EPRS1: variants seen among roughly 807,000 people sequenced by gnomAD.
EPRS1 encodes bifunctional glutamate/proline--tRNA ligase.
EPRS1 carries 107 observed loss-of-function variants against 188.3 expected under a neutral mutation model. The ratio of observed to expected loss-of-function variants is 0.57; its 90% CI spans 0.49 to 0.67. EPRS1 has a LOEUF of 0.67. Among genes scored for constraint, EPRS1 ranks in the 30% least tolerant of loss-of-function variants. The pLI is 0.00. For synonymous variants in EPRS1, 596 were observed against 593.1 expected (o/e 1.00, Z -0.07); for missense variants, 1,577 against 1,802.2 (o/e 0.88, Z 2.26).
intron 18 of EPRS1, among the ~76,000 whole-genome samples, chr1:219,992,794 G>A (rs1661148892): frequency 6.6e-6 from 1 of 152,196 alleles, no homozygotes. Context: ...AGGTGTCGTG[G>A]CACGCGCCTG....
intron 8 of EPRS1, 67 bp downstream of exon 8, chr1:220,024,197 A>G: frequency 9.1e-7 from 1 of 1,101,262 alleles, no homozygotes; most frequent in Non-Finnish European, 1.3e-6. Context: ...CACAAAAAAG[A>G]AATCACGTTC....
intron 6 of EPRS1, among the ~76,000 whole-genome samples, chr1:220,029,463 G>C (rs2577143): frequency 0.94 from 143,737 of 152,318 alleles, 67,946 homozygotes; most frequent in East Asian, 1. Context: ...TTGTGAAGAA[G>C]TATTAAATAC....
Position 220,034,972 on chromosome 1 carries a change from A to C in EPRS1, c.173T>G (p.Leu58Trp), listed in dbSNP as rs1662150671. Reference protein sequence around the residue: ...FTDVNSILRYLARVATTAGLY... With the variant: ...FTDVNSILRYWARVATTAGLY... ...CCCAGCTGTAGTTGCAACTCTAGCCAAGTAGCGAAGTATAGAATTCACATC... is the reference window on the plus strand; with the variant it reads ...CCCAGCTGTAGTTGCAACTCTAGCCCAGTAGCGAAGTATAGAATTCACATC... Residue 58 changes from leucine to tryptophan, a missense_variant, in exon 3 of 32, where the codon TTG (leucine) becomes TGG (tryptophan). By Grantham distance (61) the Leu-to-Trp change is moderately conservative (BLOSUM62 -2). Around this residue, in one of 3 missense-constraint regions of EPRS1, gnomAD observed 1,278 missense variants for 1,457.4 expected, o/e 0.88. Coordinates refer to ENST00000366923, the MANE Select transcript of EPRS1 (RefSeq NM_004446.3). The C allele has an allele frequency of 6.2e-7, 1 of 1,601,400 alleles. No individual in the cohort carries two copies. The highest frequency in any genetic ancestry group is 1.1e-5 in the South Asian group (1 of 89,298).
rs533054722 is a variant in EPRS1, at chr1:220,011,946, GA to G, written c.1495-891del. On this transcript the variant is annotated intron_variant, in intron 12 of 31. Transcript: ENST00000366923. ...TATTTTTTCTCATTAGAAGAATGCA[GA>G]AAACAGTGGTATAATTAAATTTGTT... is the stretch of plus-strand genomic sequence containing the variant. 1.1e-4 allele frequency among the ~76,000 whole-genome samples: 16 copies of G among 152,238 alleles called. No individual in the cohort carries two copies. The South Asian group carries it at 3.1e-3, about 30-fold the overall frequency.
chr1:219,995,809 G>A (rs1661220641), intron 18 of EPRS1, among the ~76,000 whole-genome samples: 1 of 152,260 alleles, frequency 6.6e-6, no homozygotes, highest in Middle Eastern at 3.4e-3. Flanking sequence ...AGGTGGCAGT[G>A]TTTCATGTCA....
chr1:219,983,288 C>T lies in EPRS1; in HGVS notation c.3201G>A (p.Glu1067=), dbSNP rs762244435. 1 of 1,613,988 alleles carries T rather than the reference C, an allele frequency of 6.2e-7. No individual in the cohort carries two copies. The highest frequency in any genetic ancestry group is 2.2e-5 in the East Asian group (1 of 44,868). The part of the protein sequence containing the change: ...WEAIKDFFDA[E]IKKLGVENCY... ...AGTTTTCAACACCAAGTTTCTTGAT[C>T]TCAGCATCAAAAAAGTCCTTGATGG... Residue 1067 remains glutamate, a synonymous_variant, in exon 22 of 32, where the codon GAG becomes GAA. Transcript: ENST00000366923.
At chr1:219,981,314 C>T (rs1044716543) in intron 24 of EPRS1, 64 bp downstream of exon 24, 19 of 1,038,640 alleles carry the variant, frequency 1.8e-5, no homozygotes, top group African/African-American at 2.5e-5. Context: ...ACAAAATGTG[C>T]TTTAAAAAAA....
chr1:219,992,149 T>A (rs1016677722), intron 18 of EPRS1, among the ~76,000 whole-genome samples: 1 of 152,190 alleles, frequency 6.6e-6, no homozygotes, highest in Non-Finnish European at 1.5e-5. Flanking sequence ...ACCTGCTTAA[T>A]GGACAAAAGG....
In EPRS1 at chr1:219,973,252, G is replaced by T; in HGVS notation, c.4230C>A (p.Val1410=). The change falls in exon 29 of 32, where the codon GTC becomes GTA. Residue 1410 remains valine, a synonymous_variant. Transcript: ENST00000366923. ...KLQAILEDIQ[V]TLFTRASEDL... is the part of the protein sequence containing the mutation. ...TAAGAAACTACCTTGTGAAAAGGGT[G>T]ACCTGGATGTCTTCCAAAATAGCTT... The T allele has an allele frequency of 5.6e-6, 9 of 1,612,402 alleles. No homozygotes were observed. Among genetic ancestry groups the T allele is most frequent in the Non-Finnish European group, 7.6e-6 (9 of 1,179,190 alleles).
At chr1:220,020,831 TATATATATATATATA>T (rs1661860848) in intron 9 of EPRS1, among the ~76,000 whole-genome samples, 1 of 2,370 alleles carries the variant, frequency 4.2e-4, no homozygotes, top group Non-Finnish European at 7.6e-4. Context: ...AATTTATATA[TATATATATATATATA>T]TATATATATA....
chr1:220,025,919 C>G (rs1661963044), intron 6 of EPRS1, among the ~76,000 whole-genome samples: 1 of 152,094 alleles, frequency 6.6e-6, no homozygotes, highest in Admixed American at 6.6e-5. Context: ...CTCAGCCCCC[C>G]AAATAGCTGG....
At chr1:220,028,759 G>A (rs1050487153) in intron 6 of EPRS1, among the ~76,000 whole-genome samples, 4 of 151,880 alleles carry the variant, frequency 2.6e-5, no homozygotes, top group African/African-American at 9.7e-5. Context: ...CTATGTATAT[G>A]TTAGCTAAGA....
chr1:220,042,314 C>G (rs1301321919), intron 1 of EPRS1, among the ~76,000 whole-genome samples: 1 of 150,270 alleles, frequency 6.7e-6, no homozygotes, highest in Non-Finnish European at 1.5e-5. Context: ...GAAACCCCAT[C>G]TCTGCTAAAA....
chr1:220,038,630 G>C (rs955978455), intron 2 of EPRS1, among the ~76,000 whole-genome samples: 3 of 151,868 alleles, frequency 2.0e-5, no homozygotes, highest in African/African-American at 7.3e-5. Flanking sequence ...CCACTCGCCC[G>C]GCCTCCCAAA....
intron 6 of EPRS1, among the ~76,000 whole-genome samples, chr1:220,025,796 T>C (rs9988498): frequency 4.1e-5 from 6 of 146,664 alleles, no homozygotes; most frequent in African/African-American, 1.6e-4. Context: ...AAAATAAAAG[T>C]TTTTTTTTTT....
chr1:220,010,272 T>C (rs1049659359), intron 13 of EPRS1, among the ~76,000 whole-genome samples: 2 of 152,038 alleles, frequency 1.3e-5, no homozygotes, highest in Non-Finnish European at 2.9e-5. Context: ...TAATAGAGAA[T>C]GCACTTCAGA....
At chr1:219,978,940 G>A (rs958696191) in intron 27 of EPRS1, among the ~76,000 whole-genome samples, 1 of 68,970 alleles carries the variant, frequency 1.4e-5, no homozygotes, top group African/African-American at 5.9e-5. Flanking sequence ...TTTTTCATAT[G>A]TGTGTGTATA....
intron 21 of EPRS1, among the ~76,000 whole-genome samples, chr1:219,983,908 A>C (rs1049543151): frequency 5.3e-5 from 8 of 151,990 alleles, no homozygotes; most frequent in Admixed American, 2.0e-4. Context: ...AAAAAAAAAA[A>C]AAACTTGAAT....
At chr1:219,973,529 G>GAT in intron 28 of EPRS1, 131 bp from the exon 29 acceptor site, 48 of 220,768 alleles carry the variant, frequency 2.2e-4, no homozygotes, top group Middle Eastern at 9.4e-4. Flanking sequence ...AAAAAAACAA[G>GAT]AGAAAAAAAA....
Sources: gnomAD v4.1 joint callset for allele counts (sites outside exome capture counted in the v4.1 genomes callset) on GRCh38, gnomAD v4.1.1 for gene constraint, gnomAD v4.1.1 regional missense constraint, MANE v1.5 for transcripts, NCBI Gene and HGNC (gene_info 2026-07-23, HGNC 2026-07-21) for gene names.